UBXN8: variants seen among roughly 807,000 people sequenced by gnomAD.
UBXN8 encodes the protein UBX domain-containing protein 8.
Under a neutral mutation model 32.1 loss-of-function variants are expected in UBXN8, and 27 were observed. The ratio of observed to expected loss-of-function variants is 0.84; its 90% CI spans 0.62 to 1.16. UBXN8 has a LOEUF of 1.16. Ranked by LOEUF, UBXN8 falls within the 50% of genes most tolerant of loss-of-function variation. The pLI is 0.00. For missense variants in UBXN8, 306 were observed against 311.4 expected (o/e 0.98, Z 0.13); for synonymous variants, 109 against 111.8 (o/e 0.98, Z 0.16).
At chr8:30,756,955 G>A in intron 5 of UBXN8, 68 bp downstream of exon 5, 2 of 1,587,796 alleles carry the variant, frequency 1.3e-6, no homozygotes, top group Admixed American at 3.6e-5. Context: ...TCTGGGTGAG[G>A]TGGTATACTG....
upstream of UBXN8, among the ~76,000 whole-genome samples, chr8:30,743,260 A>G (rs1805256524): frequency 6.6e-6 from 1 of 151,066 alleles, no homozygotes; most frequent in East Asian, 2.0e-4. Flanking sequence ...GGTTCAAGCA[A>G]TTCTCCTGCC....
upstream of UBXN8, among the ~76,000 whole-genome samples, chr8:30,731,489 G>A (rs1170833834): frequency 2.0e-5 from 3 of 152,272 alleles, no homozygotes; most frequent in East Asian, 5.8e-4. Context: ...GTTGAGAAGG[G>A]ACTTGCTTAG....
intron 3 of UBXN8, 144 bp downstream of exon 3, chr8:30,753,249 C>T (rs1023993367): frequency 1.6e-6 from 2 of 1,225,840 alleles, no homozygotes; most frequent in Non-Finnish European, 1.0e-6. Flanking sequence ...CATAAATTGA[C>T]CATTTTATTT....
chr8:30,729,661 G>A (rs757968546), upstream of UBXN8, among the ~76,000 whole-genome samples: 2 of 152,150 alleles, frequency 1.3e-5, no homozygotes, highest in Non-Finnish European at 2.9e-5. Flanking sequence ...ACTCCTCTAG[G>A]AACTATGTTG....
upstream of UBXN8, among the ~76,000 whole-genome samples, chr8:30,743,246 T>C (rs1805256210): frequency 6.6e-6 from 1 of 150,558 alleles, no homozygotes; most frequent in Non-Finnish European, 1.5e-5. Context: ...AACCTCCGCA[T>C]GCGGGTTCAA....
chr8:30,755,805 A>C (rs1805644697), intron 4 of UBXN8, among the ~76,000 whole-genome samples: 2 of 150,332 alleles, frequency 1.3e-5, no homozygotes, highest in Admixed American at 1.3e-4. Context: ...GACATAAGAT[A>C]GTCTTTAAAA....
At position 30,744,178 on chromosome 8, in the gene UBXN8, G is replaced by T; in HGVS notation, c.-12G>T. On this transcript the variant is annotated 5_prime_UTR_variant, in exon 1 of 8. Coordinates refer to ENST00000265616, the MANE Select transcript of UBXN8 (RefSeq NM_005671.4). ...GGCGGGCTTTCCGCCTGCACCAGGC[G>T]CTTCCGCCACCATGGCTTCACGTGG... The T allele has an allele frequency of 6.2e-7, 1 of 1,610,932 alleles. No homozygotes were observed. The highest frequency in any genetic ancestry group is 8.5e-7 in the Non-Finnish European group (1 of 1,178,664).
chr8:30,736,089 A>C (rs1805065324), intron 1 of UBXN8, among the ~76,000 whole-genome samples: 1 of 152,252 alleles, frequency 6.6e-6, no homozygotes, highest in Admixed American at 6.5e-5. Context: ...AAATAACACA[A>C]GGAAAGGAAT....
chr8:30,762,379 A>C (rs1413035140), intron 6 of UBXN8, among the ~76,000 whole-genome samples: 1 of 110,366 alleles, frequency 9.1e-6, no homozygotes, highest in African/African-American at 3.1e-5. Flanking sequence ...CCTGATGGGA[A>C]AGTTTTTTGT....
chr8:30,748,547 T>G (rs1007930455), intron 1 of UBXN8, among the ~76,000 whole-genome samples: 1 of 152,102 alleles, frequency 6.6e-6, no homozygotes, highest in African/African-American at 2.4e-5. Context: ...ATATGTTTTT[T>G]TCTTTTTTTT....
chr8:30,731,538 C>T (rs781641396), upstream of UBXN8, among the ~76,000 whole-genome samples: 6 of 152,110 alleles, frequency 3.9e-5, no homozygotes, highest in Non-Finnish European at 7.4e-5. Context: ...GAGCACGGCT[C>T]TTTGCTGCTA....
chr8:30,736,575 C>T (rs1011389324), intron 1 of UBXN8, among the ~76,000 whole-genome samples: 3 of 152,086 alleles, frequency 2.0e-5, no homozygotes, highest in East Asian at 1.9e-4. Context: ...TGGGTTCAAG[C>T]GATTCTCCTG....
intron 7 of UBXN8, among the ~76,000 whole-genome samples, chr8:30,764,430 CAA>C (rs1367686292): frequency 2.0e-5 from 3 of 152,106 alleles, no homozygotes; most frequent in Non-Finnish European, 4.4e-5. Flanking sequence ...TTGGCCTACC[CAA>C]GTGTTGGGAT....
chr8:30,729,650 T>C (rs1804903749), upstream of UBXN8, among the ~76,000 whole-genome samples: 1 of 152,218 alleles, frequency 6.6e-6, no homozygotes, highest in African/African-American at 2.4e-5. Context: ...AAAATAAGCC[T>C]ACTCCTCTAG....
At position 30,746,526 on chromosome 8, in the gene UBXN8, CT is replaced by C. The variant is rs1186027523; in HGVS notation, c.88+2263del. 8.6e-4 allele frequency among the ~76,000 whole-genome samples: 95 copies of C among 110,408 alleles called. 1 individual carries two copies. Among genetic ancestry groups the C allele is most frequent in the South Asian group, 1.6e-3 (5 of 3,194 alleles). 72.4% of individuals were successfully genotyped at this position (110,408 alleles called of 152,430 possible). On this transcript the variant is annotated intron_variant, in intron 1 of 7. Transcript: ENST00000265616. The stretch of plus-strand genomic sequence containing the variant: ...TGTACTTAAGCTAGATTTTTTTTTT[CT>C]TTTTTTTTTTTTTGAGACGGAGTCT...
chr8:30,759,130 T>A (rs1168554700), intron 5 of UBXN8, among the ~76,000 whole-genome samples: 1 of 151,542 alleles, frequency 6.6e-6, no homozygotes, highest in Non-Finnish European at 1.5e-5. Context: ...CCTGACCTCA[T>A]GATCTGCCCT....
intron 1 of UBXN8, among the ~76,000 whole-genome samples, chr8:30,734,629 A>G (rs1240515091): frequency 2.0e-5 from 3 of 151,964 alleles, no homozygotes; most frequent in East Asian, 1.9e-4. Context: ...CTTAAAAAAA[A>G]AAAAAATTTC....
chr8:30,730,558 A>AC (rs778226938), upstream of UBXN8, among the ~76,000 whole-genome samples: 23 of 152,030 alleles, frequency 1.5e-4, no homozygotes, highest in Non-Finnish European at 2.9e-4. Flanking sequence ...CCGGGAACCG[A>AC]CCCCCAGTGG....
chr8:30,737,120 A>T (rs1221534382), intron 1 of UBXN8, among the ~76,000 whole-genome samples: 1 of 152,234 alleles, frequency 6.6e-6, no homozygotes, highest in Non-Finnish European at 1.5e-5. Flanking sequence ...AGTCTAGCAT[A>T]ACCATTTTTC....
Sources: allele counts gnomAD v4.1 joint callset (sites outside exome capture counted in the v4.1 genomes callset), GRCh38; gene constraint gnomAD v4.1.1; transcripts MANE v1.5; gene names NCBI Gene and HGNC (gene_info 2026-07-23, HGNC 2026-07-21).